The following MGAT5 variants were observed in gnomAD, a reference collection of about 807,000 sequenced individuals.
MGAT5 encodes alpha-1,6-mannosylglycoprotein 6-beta-N-acetylglucosaminyltransferase, also known as alpha-1,6-mannosylglycoprotein 6-beta-N-acetylglucosaminyltransferase A.
Under a neutral mutation model 94.3 loss-of-function variants are expected in MGAT5, and 30 were observed. The observed-to-expected ratio is 0.32, with a 90% CI of 0.24 to 0.43. The LOEUF (loss-of-function observed/expected upper bound fraction) is 0.43, where lower values mean the gene tolerates loss of function less well. MGAT5 is among the 20% of genes least tolerant of loss of function. The probability of loss-of-function intolerance (pLI) is 1.00; values close to 1 mark genes in which losing one functional copy is unlikely to be tolerated. For missense variants in MGAT5, 691 were observed against 905.5 expected, an observed-to-expected ratio of 0.76 and a Z score of 3.04; for synonymous variants, 310 against 322.9, an observed-to-expected ratio of 0.96 and a Z score of 0.43.
chr2:134,253,798 C>G (rs886958418), upstream of MGAT5, among the ~76,000 whole-genome samples: 8 of 152,290 alleles, frequency 5.3e-5, no homozygotes, highest in East Asian at 5.8e-4. Flanking sequence ...TAGTTACCCC[C>G]AAGGGGGCAT....
At chr2:134,336,054 G>C (rs1340655670) in intron 4 of MGAT5, among the ~76,000 whole-genome samples, 163 bp from the exon 5 acceptor site, 4 of 151,940 alleles carry the variant, frequency 2.6e-5, no homozygotes, top group African/African-American at 7.3e-5. Context: ...GAGGGCACTT[G>C]TATCTGGAAT....
intron 12 of MGAT5, among the ~76,000 whole-genome samples, chr2:134,421,923 T>C (rs1315186705): frequency 6.6e-6 from 1 of 151,836 alleles, no homozygotes; most frequent in East Asian, 1.9e-4. Flanking sequence ...ATCCCGGCAG[T>C]TTGGGAGGCG....
chr2:134,254,231 C>A lies in MGAT5; in HGVS notation c.-173C>A. On this transcript the variant is annotated 5_prime_UTR_variant, in exon 1 of 16. Coordinates refer to ENST00000281923, the MANE Select transcript of MGAT5 (RefSeq NM_002410.5). Reference sequence around the variant, plus strand: ...TTTATTTTGCTGTATTGTGCCATGACCACTTGGCTAATTCTTCTCCTCCTT... The same window carrying A: ...TTTATTTTGCTGTATTGTGCCATGAACACTTGGCTAATTCTTCTCCTCCTT... 1.4e-6 allele frequency: 1 copy of A among 701,454 alleles called. No individual in the cohort carries two copies. The allele number at this position is 701,454 out of a possible 1,614,324, so 43.5% of individuals were successfully genotyped here.
At position 134,130,187 on chromosome 2, in the gene MGAT5, G is replaced by A. The variant is rs1034567802; in HGVS notation, c.-143+9896G>A. On this transcript the variant is annotated intron_variant, in intron 1 of 16. Transcript: ENST00000409645. Reference sequence around the variant, plus strand: ...GGGCAGGGCTGGGGATCTGCAGCCCGCCATGCTGGAGCCCGCCCCGCCCCA... The same window carrying A: ...GGGCAGGGCTGGGGATCTGCAGCCCACCATGCTGGAGCCCGCCCCGCCCCA... 2.0e-4 allele frequency among the ~76,000 whole-genome samples: 31 copies of A among 151,464 alleles called. No homozygotes were observed. The South Asian group carries it at 3.8e-3, about 18-fold the overall frequency.
intron 1 of MGAT5, among the ~76,000 whole-genome samples, chr2:134,259,069 C>T (rs980412667): frequency 6.6e-6 from 1 of 152,228 alleles, no homozygotes; most frequent in African/African-American, 2.4e-5. Flanking sequence ...TTTGGCAACT[C>T]CAAAGTGATA....
At chr2:134,419,405 AT>A in intron 12 of MGAT5, among the ~76,000 whole-genome samples, 1 of 145,340 alleles carries the variant, frequency 6.9e-6, no homozygotes, top group Admixed American at 6.9e-5. Flanking sequence ...TTTTTCTGAC[AT>A]TTTTTAAGCC....
chr2:134,392,984 A>G (rs562357694), intron 10 of MGAT5, among the ~76,000 whole-genome samples: 14 of 152,202 alleles, frequency 9.2e-5, no homozygotes, highest in Non-Finnish European at 2.1e-4. Flanking sequence ...AGCCATAACT[A>G]AGTGCTGGGT....
chr2:134,186,362 G>A (rs6735000), intron 1 of MGAT5, among the ~76,000 whole-genome samples: 34,110 of 151,732 alleles, frequency 0.22, 4,678 homozygotes, highest in East Asian at 0.37. Context: ...CAAGGAAAAA[G>A]GAGCCCTGGA....
intron 1 of MGAT5, among the ~76,000 whole-genome samples, chr2:134,148,987 A>G (rs1443397852): frequency 6.6e-6 from 1 of 151,430 alleles, no homozygotes; most frequent in Non-Finnish European, 1.5e-5. Context: ...CTGGTCTGGA[A>G]CTCCTGACTT....
chr2:134,407,835 G>T (rs1239055282), intron 11 of MGAT5, among the ~76,000 whole-genome samples: 1 of 150,482 alleles, frequency 6.6e-6, no homozygotes, highest in African/African-American at 2.5e-5. Flanking sequence ...GTAAAATGTG[G>T]TTCTGTGACT....
chr2:134,229,130 T>C (rs1440802312), intron 1 of MGAT5, among the ~76,000 whole-genome samples: 2 of 152,200 alleles, frequency 1.3e-5, no homozygotes, highest in Middle Eastern at 3.4e-3. Flanking sequence ...CCCTAACTGA[T>C]AGAACAAACC....
rs184636968 is a variant in MGAT5, at chr2:134,153,075, T to C, written c.-143+32784T>C. ...TGTGCCACCACGCCCGGCTAATTTT[T>C]TTGTATTTTTAGTAGAGATGGGTTA... On this transcript the variant is annotated intron_variant, in intron 1 of 16. Transcript: ENST00000409645. Among the ~76,000 whole-genome samples the C allele has an allele frequency of 9.5e-4, 145 of 152,084 alleles. 1 individual carries two copies. Among genetic ancestry groups the C allele is most frequent in the Middle Eastern group, 3.4e-3 (1 of 294 alleles).
At chr2:134,129,773 A>C (rs1246644351) in intron 1 of MGAT5, among the ~76,000 whole-genome samples, 2 of 151,306 alleles carry the variant, frequency 1.3e-5, no homozygotes, top group African/African-American at 2.4e-5. Flanking sequence ...TCCTACTGAG[A>C]GGTGACAATG....
intron 1 of MGAT5, among the ~76,000 whole-genome samples, chr2:134,142,759 G>GT (rs1290380858): frequency 1.3e-5 from 2 of 152,130 alleles, no homozygotes; most frequent in Non-Finnish European, 2.9e-5. Flanking sequence ...TGTTTTGTTT[G>GT]TTTTTTGTTT....
intron 1 of MGAT5, among the ~76,000 whole-genome samples, chr2:134,227,487 G>C (rs1023404435): frequency 6.6e-6 from 1 of 152,154 alleles, no homozygotes; most frequent in Non-Finnish European, 1.5e-5. Flanking sequence ...GCAGAGTTTA[G>C]CATGTATGAG....
intron 1 of MGAT5, among the ~76,000 whole-genome samples, chr2:134,127,990 C>A (rs1685928653): frequency 6.6e-6 from 1 of 151,772 alleles, no homozygotes; most frequent in African/African-American, 2.4e-5. Context: ...TGGTCTCATG[C>A]AGGTCAACAA....
intron 14 of MGAT5, among the ~76,000 whole-genome samples, chr2:134,441,047 G>C (rs1013733707): frequency 6.6e-6 from 1 of 152,194 alleles, no homozygotes; most frequent in Non-Finnish European, 1.5e-5. Context: ...CAATTAGCCT[G>C]TTGTAAAATT....
rs1449152056 is a variant in MGAT5, at chr2:134,341,682, A to G, written c.900A>G (p.Gln300=). ...FSGGPLGELV[Q]WSDLITSLYL... ...GTGGCCCTCTTGGTGAATTAGTTCA[A>G]TGGAGTGATTTAATTACATCTCTGT... Residue 300 remains glutamine, a synonymous_variant, in exon 7 of 16, where the codon CAA becomes CAG. Transcript: ENST00000281923. The G allele has an allele frequency of 3.1e-6, 5 of 1,613,528 alleles. No individual in the cohort carries two copies. The highest frequency in any genetic ancestry group is 1.1e-5 in the South Asian group (1 of 91,072).
intron 1 of MGAT5, among the ~76,000 whole-genome samples, chr2:134,237,119 G>GT (rs1681676929): frequency 7.9e-6 from 1 of 127,206 alleles, no homozygotes; most frequent in African/African-American, 3.1e-5. Flanking sequence ...TGTAGAAGGA[G>GT]TATATGTGTG....
Sources: allele counts gnomAD v4.1 joint callset (sites outside exome capture counted in the v4.1 genomes callset), GRCh38; gene constraint gnomAD v4.1.1; transcripts MANE v1.5; gene names NCBI Gene and HGNC (gene_info 2026-07-23, HGNC 2026-07-21).